PARD3: variants seen among roughly 807,000 people sequenced by gnomAD.
PARD3 encodes par-3 family cell polarity regulator.
PARD3 carries 75 observed loss-of-function variants against 155.4 expected under a neutral mutation model. The ratio of observed to expected loss-of-function variants is 0.48; its 90% confidence interval spans 0.40 to 0.58. The LOEUF (loss-of-function observed/expected upper bound fraction) is 0.58. Ranked by LOEUF, PARD3 falls within the 20% of genes least tolerant of loss-of-function variation. The pLI, the probability that PARD3 is intolerant of heterozygous loss-of-function variation, is 0.00. For synonymous variants in PARD3, 576 were observed against 610.5 expected, an observed-to-expected ratio of 0.94 and a Z score of 0.83; for missense variants, 1,642 against 1,721.7, an observed-to-expected ratio of 0.95 and a Z score of 0.82.
At position 34,409,705 on chromosome 10, in the gene PARD3, CTAAT is replaced by C. The variant is rs1844857937; in HGVS notation, c.715-7792_715-7789del. 2.0e-5 allele frequency among the ~76,000 whole-genome samples: 3 copies of C among 152,162 alleles called. No individual in the cohort carries two copies. The South Asian group carries it at 6.2e-4, about 31-fold the overall frequency. ...TCTAGTTGACACGATTTTATTCAGA[CTAAT>C]CAATCTCTTTTCAGAAGTGGCTTGC... is the stretch of plus-strand genomic sequence containing the variant. On this transcript the variant is annotated intron_variant, in intron 5 of 24. Coordinates refer to ENST00000374788, the MANE Select transcript of PARD3 (RefSeq NM_001184785.2).
intron 5 of PARD3, among the ~76,000 whole-genome samples, chr10:34,416,534 C>T (rs1342852664): frequency 6.6e-6 from 1 of 152,170 alleles, no homozygotes; most frequent in Non-Finnish European, 1.5e-5. Context: ...AAGCACCTAT[C>T]AGGGCCAGGC....
chr10:34,436,196 T>C (rs985673028), intron 5 of PARD3, among the ~76,000 whole-genome samples: 1 of 152,234 alleles, frequency 6.6e-6, no homozygotes, highest in African/African-American at 2.4e-5. Context: ...TTGAACTCAA[T>C]GCTCTAACAG....
At chr10:34,473,934 T>C (rs2078528497) in intron 3 of PARD3, among the ~76,000 whole-genome samples, 1 of 152,204 alleles carries the variant, frequency 6.6e-6, no homozygotes, top group Non-Finnish European at 1.5e-5. Flanking sequence ...CACTGTTGCT[T>C]CAACAAAGCT....
intron 2 of PARD3, among the ~76,000 whole-genome samples, chr10:34,530,534 T>C (rs1564814550): frequency 6.6e-6 from 1 of 152,222 alleles, no homozygotes; most frequent in African/African-American, 2.4e-5. Context: ...TCTCTGAGAC[T>C]GATATCTTGA....
chr10:34,130,381 A>G (rs1370676307), intron 23 of PARD3, among the ~76,000 whole-genome samples: 1 of 152,038 alleles, frequency 6.6e-6, no homozygotes, highest in Non-Finnish European at 1.5e-5. Flanking sequence ...TCCAACCCCC[A>G]CTAAAGAATT....
At chr10:34,559,780 T>C (rs558569954) in intron 2 of PARD3, among the ~76,000 whole-genome samples, 9 of 152,128 alleles carry the variant, frequency 5.9e-5, no homozygotes, top group African/African-American at 2.2e-4. Flanking sequence ...AATTTGACCT[T>C]ACCTACTTGA....
intron 12 of PARD3, among the ~76,000 whole-genome samples, chr10:34,369,415 T>C (rs1239882734): frequency 2.0e-5 from 3 of 152,116 alleles, no homozygotes; most frequent in Non-Finnish European, 2.9e-5. Context: ...CTTCTTCCAG[T>C]GTGGCCCAGG....
chr10:34,250,770 A>G (rs1399573366), intron 22 of PARD3, among the ~76,000 whole-genome samples: 1 of 123,898 alleles, frequency 8.1e-6, no homozygotes, highest in Admixed American at 8.1e-5. Context: ...TTTAATTATC[A>G]TATAATGATA....
intron 2 of PARD3, among the ~76,000 whole-genome samples, chr10:34,592,554 T>C (rs539331925): frequency 2.0e-5 from 3 of 152,254 alleles, no homozygotes; most frequent in East Asian, 3.9e-4. Flanking sequence ...GGCAGACAGA[T>C]CACCAGAGGT....
chr10:34,491,939 G>C (rs2079938729), intron 3 of PARD3, among the ~76,000 whole-genome samples: 1 of 152,230 alleles, frequency 6.6e-6, no homozygotes, highest in East Asian at 1.9e-4. Flanking sequence ...AAGCATCGCA[G>C]CATTTCCAGT....
At chr10:34,777,939 T>C (rs1352588398) in intron 1 of PARD3, among the ~76,000 whole-genome samples, 3 of 152,090 alleles carry the variant, frequency 2.0e-5, no homozygotes, top group Non-Finnish European at 2.9e-5. Context: ...AGGAGGCCTT[T>C]GGGAAAGAGA....
At chr10:34,361,693 A>G (rs985613848) in intron 12 of PARD3, among the ~76,000 whole-genome samples, 1 of 152,230 alleles carries the variant, frequency 6.6e-6, no homozygotes, top group African/African-American at 2.4e-5. Flanking sequence ...CTTTAGACCC[A>G]TAGTAATGTG....
intron 2 of PARD3, among the ~76,000 whole-genome samples, chr10:34,641,036 T>C (rs1283510430): frequency 1.3e-5 from 2 of 152,106 alleles, no homozygotes; most frequent in African/African-American, 4.8e-5. Context: ...TATACCTTAG[T>C]AGATTTGTTT....
At chr10:34,698,864 A>G (rs1017472491) in intron 1 of PARD3, among the ~76,000 whole-genome samples, 2 of 152,200 alleles carry the variant, frequency 1.3e-5, no homozygotes, top group African/African-American at 4.8e-5. Flanking sequence ...CAATTCTTTG[A>G]TGATCTTCAC....
At chr10:34,362,081 C>T (rs1413471892) in intron 12 of PARD3, among the ~76,000 whole-genome samples, 8 of 152,156 alleles carry the variant, frequency 5.3e-5, no homozygotes, top group East Asian at 1.9e-4. Context: ...AGGTGGATCA[C>T]GAGGTCAGGA....
intron 22 of PARD3, among the ~76,000 whole-genome samples, chr10:34,198,480 G>A (rs1201102111): frequency 6.6e-6 from 1 of 151,684 alleles, no homozygotes; most frequent in Admixed American, 6.6e-5. Flanking sequence ...GTGTGTGTGT[G>A]TGTGTGTATG....
chr10:34,592,094 T>C (rs1477742111), intron 2 of PARD3, among the ~76,000 whole-genome samples: 1 of 151,032 alleles, frequency 6.6e-6, no homozygotes, highest in East Asian at 1.9e-4. Flanking sequence ...ACCCAAACTT[T>C]AGGCGCTCCT....
intron 20 of PARD3, among the ~76,000 whole-genome samples, chr10:34,296,342 C>T (rs893792567): frequency 2.6e-5 from 4 of 151,882 alleles, no homozygotes; most frequent in African/African-American, 4.8e-5. Flanking sequence ...AGAATTCTGC[C>T]GCCTCAGCCT....
chr10:34,285,065 C>G (rs1180700634), intron 20 of PARD3, among the ~76,000 whole-genome samples: 4 of 152,152 alleles, frequency 2.6e-5, no homozygotes, highest in South Asian at 4.1e-4. Context: ...TTATTTTTCT[C>G]TATAAAAGAC....
Sources: gnomAD v4.1 joint callset for allele counts (sites outside exome capture counted in the v4.1 genomes callset) on GRCh38, gnomAD v4.1.1 for gene constraint, MANE v1.5 for transcripts, NCBI Gene and HGNC (gene_info 2026-07-23, HGNC 2026-07-21) for gene names.